Variants in CDH13 observed in about 807,000 individuals in gnomAD.
CDH13 encodes the protein cadherin-13.
CDH13 carries 24 observed loss-of-function variants against 63.8 expected under a neutral mutation model. The ratio of observed to expected loss-of-function variants is 0.38; its 90% CI spans 0.27 to 0.53. CDH13 has a LOEUF of 0.53. Among genes scored for constraint, CDH13 ranks in the 20% least tolerant of loss-of-function variants. The pLI, the probability that CDH13 is intolerant of heterozygous loss-of-function variation, is 0.85. For missense variants in CDH13, 1,049 were observed against 903.1 expected, an observed-to-expected ratio of 1.16 and a Z score of -2.07; for synonymous variants, 503 against 355.3, an observed-to-expected ratio of 1.42 and a Z score of -4.67.
chr16:83,348,593 G>C (rs189439617), intron 6 of CDH13, among the ~76,000 whole-genome samples: 9 of 152,334 alleles, frequency 5.9e-5, no homozygotes, highest in African/African-American at 2.2e-4. Context: ...GTTGAACAAG[G>C]TGTCTGCATT....
chr16:83,558,714 C>G (rs966595076), intron 7 of CDH13, among the ~76,000 whole-genome samples: 3 of 152,030 alleles, frequency 2.0e-5, no homozygotes, highest in Non-Finnish European at 4.4e-5. Context: ...ATCATTTCAA[C>G]TTTGTTGGAA....
chr16:83,349,049 T>C (rs748546794), intron 6 of CDH13, among the ~76,000 whole-genome samples: 2 of 152,242 alleles, frequency 1.3e-5, no homozygotes, highest in South Asian at 2.1e-4. Flanking sequence ...CATATTTATC[T>C]GTATGTGCAG....
intron 2 of CDH13, among the ~76,000 whole-genome samples, chr16:83,025,011 G>T (rs1425558793): frequency 6.6e-6 from 1 of 152,168 alleles, no homozygotes; most frequent in East Asian, 1.9e-4. Context: ...CAAGGTACCT[G>T]ACTAGAAGGA....
In CDH13 at chr16:83,259,699, G is replaced by C. The variant is rs949980214; in HGVS notation, c.636+42202G>C. On this transcript the variant is annotated intron_variant, in intron 5 of 13. Transcript: ENST00000567109. The stretch of plus-strand genomic sequence containing the variant: ...TTAGAGTACATGTGCACAATGTGCA[G>C]GTTAGTTACATAGGTATACGTGATT... 2.0e-5 allele frequency among the ~76,000 whole-genome samples: 3 copies of C among 152,086 alleles called. No individual in the cohort carries two copies. The East Asian group carries it at 5.8e-4, about 29-fold the overall frequency.
intron 6 of CDH13, among the ~76,000 whole-genome samples, chr16:83,415,865 AC>A (rs1555545591): frequency 6.6e-6 from 1 of 152,206 alleles, no homozygotes; most frequent in Non-Finnish European, 1.5e-5. Flanking sequence ...ACTCACTGTC[AC>A]CAGTTCTATT....
chr16:82,903,759 C>G (rs980335963), intron 2 of CDH13, among the ~76,000 whole-genome samples: 2 of 152,016 alleles, frequency 1.3e-5, no homozygotes, highest in African/African-American at 4.8e-5. Context: ...TGTATAGTAA[C>G]AAGCCTGGAA....
intron 6 of CDH13, among the ~76,000 whole-genome samples, chr16:83,405,967 C>G (rs929784335): frequency 2.6e-5 from 4 of 152,240 alleles, no homozygotes; most frequent in African/African-American, 9.6e-5. Flanking sequence ...GCCACATGCC[C>G]TCAGCCCACC....
chr16:83,419,077 TA>T (rs1229776637), intron 6 of CDH13, among the ~76,000 whole-genome samples: 1 of 152,110 alleles, frequency 6.6e-6, no homozygotes, highest in East Asian at 1.9e-4. Flanking sequence ...TAAGGGGGAA[TA>T]GGGGCCAAAA....
At chr16:83,033,533 A>T (rs1001090452) in intron 3 of CDH13, among the ~76,000 whole-genome samples, 4 of 152,162 alleles carry the variant, frequency 2.6e-5, no homozygotes, top group African/African-American at 9.7e-5. Context: ...GTATGTGTGT[A>T]TATACATACA....
chr16:83,299,621 T>C (rs941599114), intron 5 of CDH13, among the ~76,000 whole-genome samples: 1 of 152,230 alleles, frequency 6.6e-6, no homozygotes, highest in Non-Finnish European at 1.5e-5. Flanking sequence ...TAGCTTTATT[T>C]AGTGTTTGTT....
At chr16:83,386,948 T>A (rs188969630) in intron 6 of CDH13, among the ~76,000 whole-genome samples, 23 of 152,326 alleles carry the variant, frequency 1.5e-4, no homozygotes, top group African/African-American at 4.6e-4. Context: ...AAAGTTTCCC[T>A]GAAACATCAT....
At chr16:83,217,259 G>C in intron 4 of CDH13, 86 bp from the exon 5 acceptor site, 1 of 1,374,488 alleles carries the variant, frequency 7.3e-7, no homozygotes, top group Non-Finnish European at 1.0e-6. Flanking sequence ...CCTGTGATTA[G>C]TGAATTGCTC....
chr16:83,097,081 G>C (rs1171837040), intron 3 of CDH13, among the ~76,000 whole-genome samples: 1 of 152,122 alleles, frequency 6.6e-6, no homozygotes, highest in Non-Finnish European at 1.5e-5. Context: ...GTGTACTGTG[G>C]ACAAGTTGCT....
At chr16:83,171,790 C>G (rs80050029) in intron 4 of CDH13, among the ~76,000 whole-genome samples, 9,510 of 152,112 alleles carry the variant, frequency 0.063, 532 homozygotes, top group African/African-American at 0.14. Context: ...TAACAGTTTC[C>G]TGACATCTTT....
intron 1 of CDH13, among the ~76,000 whole-genome samples, chr16:82,678,467 G>A (rs1348089983): frequency 2.0e-5 from 3 of 152,066 alleles, no homozygotes; most frequent in Non-Finnish European, 2.9e-5. Flanking sequence ...AATAGGTTAT[G>A]TTTACCTTCT....
chr16:83,131,289 A>G (rs989077281), intron 4 of CDH13, among the ~76,000 whole-genome samples: 11 of 142,752 alleles, frequency 7.7e-5, no homozygotes, highest in Non-Finnish European at 1.3e-4. Flanking sequence ...GCTCTTTTCC[A>G]TGGTGCATTC....
At chr16:83,679,729 T>C (rs562880734) in intron 10 of CDH13, among the ~76,000 whole-genome samples, 1 of 152,356 alleles carries the variant, frequency 6.6e-6, no homozygotes, top group South Asian at 2.1e-4. Flanking sequence ...CTTAACAGAC[T>C]ACAAGGTAGT....
At chr16:83,665,389 A>T (rs1423158546) in intron 8 of CDH13, among the ~76,000 whole-genome samples, 1 of 152,154 alleles carries the variant, frequency 6.6e-6, no homozygotes, top group African/African-American at 2.4e-5. Context: ...ATGCCAGGCT[A>T]TTTGCCAAGC....
At chr16:82,871,826 C>T (rs1002040955) in intron 2 of CDH13, among the ~76,000 whole-genome samples, 1 of 152,172 alleles carries the variant, frequency 6.6e-6, no homozygotes, top group Non-Finnish European at 1.5e-5. Flanking sequence ...TCTCAATCTT[C>T]ACTCTCAGAG....
Sources: gnomAD v4.1 joint callset for allele counts (sites outside exome capture counted in the v4.1 genomes callset) on GRCh38, gnomAD v4.1.1 for gene constraint, MANE v1.5 for transcripts, NCBI Gene and HGNC (gene_info 2026-07-23, HGNC 2026-07-21) for gene names.